The following TPH2 variants were observed in gnomAD, a reference collection of about 807,000 sequenced individuals.
TPH2 encodes the protein tryptophan 5-hydroxylase 2.
A neutral mutation model predicts 59.1 loss-of-function variants in TPH2; 27 were observed. That is an observed-to-expected ratio of 0.46 (90% confidence interval 0.34 to 0.63). The LOEUF is 0.63. Among genes scored for constraint, TPH2 ranks in the 30% least tolerant of loss-of-function variants. TPH2 has a pLI of 0.01. For missense variants in TPH2, 523 were observed against 588.3 expected, an observed-to-expected ratio of 0.89 and a Z score of 1.15; for synonymous variants, 220 against 210.5, an observed-to-expected ratio of 1.05 and a Z score of -0.39.
intron 5 of TPH2, among the ~76,000 whole-genome samples, chr12:71,950,410 G>A (rs1313818072): frequency 6.6e-6 from 1 of 152,114 alleles, no homozygotes; most frequent in Non-Finnish European, 1.5e-5. Flanking sequence ...AGTCAAAGGG[G>A]GGTTGTTCTC....
chr12:71,946,841 G>A (rs1281540815), intron 4 of TPH2, among the ~76,000 whole-genome samples: 2 of 152,096 alleles, frequency 1.3e-5, no homozygotes, highest in Non-Finnish European at 2.9e-5. Flanking sequence ...ACCTCAGGGG[G>A]CAAACTAATC....
At chr12:71,974,083 T>A (rs1872049334) in intron 6 of TPH2, among the ~76,000 whole-genome samples, 1 of 152,124 alleles carries the variant, frequency 6.6e-6, no homozygotes, top group African/African-American at 2.4e-5. Flanking sequence ...AGTGCAGTAG[T>A]TCCAAAAGCA....
intron 7 of TPH2, among the ~76,000 whole-genome samples, chr12:71,987,647 G>A (rs900623481): frequency 8.5e-5 from 13 of 152,122 alleles, no homozygotes; most frequent in African/African-American, 2.9e-4. Flanking sequence ...TCACGAGTTT[G>A]AGACCAGCCT....
At chr12:71,969,175 C>T (rs1481262799) in intron 5 of TPH2, among the ~76,000 whole-genome samples, 3 of 151,986 alleles carry the variant, frequency 2.0e-5, no homozygotes, top group Non-Finnish European at 4.4e-5. Context: ...CCCAGCTACC[C>T]CGGAGGCTGA....
chr12:71,984,707 A>G (rs1333012867), intron 7 of TPH2, among the ~76,000 whole-genome samples: 2 of 152,174 alleles, frequency 1.3e-5, no homozygotes, highest in Non-Finnish European at 2.9e-5. Flanking sequence ...CCATAGCACT[A>G]TTACCATTCT....
At chr12:72,014,271 C>A (rs749022493) in intron 8 of TPH2, among the ~76,000 whole-genome samples, 16 of 152,142 alleles carry the variant, frequency 1.1e-4, no homozygotes, top group Admixed American at 3.9e-4. Flanking sequence ...AAGTTTCTAG[C>A]ATTTTTACCC....
intron 4 of TPH2, 80 bp downstream of exon 4, chr12:71,944,766 T>C: frequency 1.6e-6 from 2 of 1,236,218 alleles, no homozygotes; most frequent in Non-Finnish European, 2.4e-6. Context: ...TGTTCTGTGC[T>C]GCAATGCTTT....
chr12:71,994,956 G>A (rs1872659110), intron 8 of TPH2, among the ~76,000 whole-genome samples: 1 of 146,378 alleles, frequency 6.8e-6, no homozygotes, highest in Non-Finnish European at 1.5e-5. Flanking sequence ...GTGGTGGGCA[G>A]ATTTAGCCTG....
At chr12:72,010,598 C>T (rs1473473) in intron 8 of TPH2, among the ~76,000 whole-genome samples, 123,002 of 152,104 alleles carry the variant, frequency 0.81, 49,906 homozygotes, top group East Asian at 0.93. Context: ...TTTTCAGACA[C>T]GAAATCATCT....
chr12:72,031,487 A>T, intron 10 of TPH2, 34 bp from the exon 11 acceptor site: 1 of 1,612,894 alleles, frequency 6.2e-7, no homozygotes. Flanking sequence ...ATGAGGGTTG[A>T]TCACATCTCT....
At chr12:71,941,784 T>G (rs750852206) in intron 2 of TPH2, 51 bp downstream of exon 2, 1 of 1,546,126 alleles carries the variant, frequency 6.5e-7, no homozygotes, top group East Asian at 2.2e-5. Flanking sequence ...TGTGCCTGGG[T>G]ACAAACCTGT....
intron 4 of TPH2, among the ~76,000 whole-genome samples, chr12:71,946,820 G>C (rs1871208886): frequency 6.6e-6 from 1 of 152,126 alleles, no homozygotes; most frequent in Admixed American, 6.5e-5. Context: ...ATCTAGGTCA[G>C]TGCCTCTCAA....
intron 5 of TPH2, among the ~76,000 whole-genome samples, chr12:71,956,476 C>T (rs1871503666): frequency 1.4e-4 from 1 of 7,008 alleles, no homozygotes; most frequent in African/African-American, 3.5e-4. Flanking sequence ...TCCTTCCCTC[C>T]TTCCCTCCTT....
Position 72,031,749 on chromosome 12 carries a change from C to T in TPH2, c.*54C>T. On this transcript the variant is annotated 3_prime_UTR_variant, in exon 11 of 11. Coordinates refer to ENST00000333850, the MANE Select transcript of TPH2 (RefSeq NM_173353.4). ...ATCTTTTTGGGGCTTAGCAGCAGTTCAGTCAATGTCATATAACGCAAATAA... is the reference window on the plus strand; with the variant it reads ...ATCTTTTTGGGGCTTAGCAGCAGTTTAGTCAATGTCATATAACGCAAATAA... 5 of 1,601,872 alleles carry T rather than the reference C, an allele frequency of 3.1e-6. No homozygotes were observed. Among genetic ancestry groups the T allele is most frequent in the Non-Finnish European group, 3.4e-6 (4 of 1,169,788 alleles).
At chr12:72,007,419 T>A (rs1431322624) in intron 8 of TPH2, among the ~76,000 whole-genome samples, 7 of 152,178 alleles carry the variant, frequency 4.6e-5, no homozygotes, top group Non-Finnish European at 8.8e-5. Context: ...CCTGAATAAC[T>A]AAATAAAGCA....
At chr12:71,985,473 A>G (rs1872405763) in intron 7 of TPH2, among the ~76,000 whole-genome samples, 1 of 151,980 alleles carries the variant, frequency 6.6e-6, no homozygotes, top group Non-Finnish European at 1.5e-5. Flanking sequence ...ATGTCAGCTC[A>G]CTGTAACCTC....
intron 8 of TPH2, among the ~76,000 whole-genome samples, chr12:71,995,747 T>G (rs1434291064): frequency 1.3e-5 from 2 of 152,198 alleles, no homozygotes; most frequent in Admixed American, 6.5e-5. Flanking sequence ...AGAGATGGGA[T>G]GCAGGACTTT....
At chr12:71,944,223 G>A (rs1048523996) in intron 2 of TPH2, 71 bp from the exon 3 acceptor site, 1 of 1,558,064 alleles carries the variant, frequency 6.4e-7, no homozygotes, top group African/African-American at 1.4e-5. Context: ...CTTAAGATGT[G>A]AACAAGAAAA....
At chr12:71,962,749 G>A in intron 5 of TPH2, 1 of 929,660 alleles carries the variant, frequency 1.1e-6, no homozygotes, top group Non-Finnish European at 1.3e-6. Flanking sequence ...TTGAGATAGA[G>A]TATCTGTCAT....
Sources: gnomAD v4.1 joint callset for allele counts (sites outside exome capture counted in the v4.1 genomes callset) on GRCh38, gnomAD v4.1.1 for gene constraint, MANE v1.5 for transcripts, NCBI Gene and HGNC (gene_info 2026-07-23, HGNC 2026-07-21) for gene names.